SPECC1L: variants seen among roughly 807,000 people sequenced by gnomAD.
SPECC1L encodes the protein sperm antigen with calponin homology and coiled-coil domains 1 like.
SPECC1L carries 40 observed loss-of-function variants against 116.8 expected under a neutral mutation model. The ratio of observed to expected loss-of-function variants is 0.34; its 90% CI spans 0.27 to 0.45. The LOEUF (loss-of-function observed/expected upper bound fraction) is 0.45, where lower values mean the gene tolerates loss of function less well. Ranked by LOEUF, SPECC1L falls within the 20% of genes least tolerant of loss-of-function variation. SPECC1L has a pLI of 1.00. For missense variants in SPECC1L, 1,110 were observed against 1,373.6 expected, an observed-to-expected ratio of 0.81 and a Z score of 3.03; for synonymous variants, 504 against 500.6, an observed-to-expected ratio of 1.01 and a Z score of -0.09.
chr22:24,337,336 A>G (rs2041081430), intron 9 of SPECC1L, among the ~76,000 whole-genome samples: 1 of 152,242 alleles, frequency 6.6e-6, no homozygotes, highest in African/African-American at 2.4e-5. Flanking sequence ...GCCAGATACA[A>G]CAGGTCACAT....
chr22:24,344,797 G>C (rs2041256625), intron 10 of SPECC1L, among the ~76,000 whole-genome samples: 1 of 152,116 alleles, frequency 6.6e-6, no homozygotes, highest in Non-Finnish European at 1.5e-5. Context: ...TGAATAATTG[G>C]AGATTGAAAT....
chr22:24,381,693 G>A (rs2042065076), intron 14 of SPECC1L, among the ~76,000 whole-genome samples: 1 of 152,004 alleles, frequency 6.6e-6, no homozygotes, highest in Admixed American at 6.6e-5. Context: ...GACCATCCTG[G>A]CTAATATGGT....
intron 14 of SPECC1L, among the ~76,000 whole-genome samples, chr22:24,391,667 G>A (rs74824428): frequency 0.01 from 1,539 of 152,254 alleles, 11 homozygotes; most frequent in Middle Eastern, 0.024. Context: ...GTGCCCTGGC[G>A]GAGGCATGGT....
intron 2 of SPECC1L, among the ~76,000 whole-genome samples, chr22:24,277,994 C>T (rs1243790095): frequency 6.6e-6 from 1 of 152,178 alleles, no homozygotes; most frequent in Non-Finnish European, 1.5e-5. Flanking sequence ...ATTTTAAATT[C>T]TGTGTATGAG....
At chr22:24,272,192 C>G (rs113040571) in intron 1 of SPECC1L, among the ~76,000 whole-genome samples, 5 of 152,230 alleles carry the variant, frequency 3.3e-5, no homozygotes, top group Admixed American at 1.3e-4. Context: ...ACCAGCCTGA[C>G]CAACATGGTG....
intron 14 of SPECC1L, among the ~76,000 whole-genome samples, chr22:24,372,473 C>T (rs550245144): frequency 1.2e-4 from 19 of 152,236 alleles, no homozygotes; most frequent in Non-Finnish European, 2.1e-4. Flanking sequence ...GTTCAACATA[C>T]GCAAATCAAT....
At chr22:24,385,797 T>G (rs1335857251) in intron 14 of SPECC1L, among the ~76,000 whole-genome samples, 1 of 152,176 alleles carries the variant, frequency 6.6e-6, no homozygotes, top group Non-Finnish European at 1.5e-5. Context: ...ATAGGCATAT[T>G]TGGAGATTTT....
At chr22:24,295,911 G>A (rs1012274916) in intron 2 of SPECC1L, among the ~76,000 whole-genome samples, 3 of 152,118 alleles carry the variant, frequency 2.0e-5, no homozygotes, top group East Asian at 3.9e-4. Context: ...TCGTGCCGTC[G>A]CACTCCAGAC....
At chr22:24,323,883 A>G (rs2040768335) in intron 5 of SPECC1L, among the ~76,000 whole-genome samples, 1 of 152,226 alleles carries the variant, frequency 6.6e-6, no homozygotes, top group South Asian at 2.1e-4. Context: ...CATTTTTGTT[A>G]GGACAACATG....
rs938620117 is a variant in SPECC1L, at chr22:24,359,043, C to T, written c.2744-4218C>T. 2.0e-5 allele frequency among the ~76,000 whole-genome samples: 3 copies of T among 152,114 alleles called. No individual in the cohort carries two copies. In the South Asian group the frequency reaches 6.2e-4, roughly 31 times the overall value. On this transcript the variant is annotated intron_variant, in intron 11 of 16. Coordinates refer to ENST00000314328, the MANE Select transcript of SPECC1L (RefSeq NM_015330.6). The stretch of plus-strand genomic sequence containing the variant: ...TCCTTCTCCTGTATCTTCAACTTTA[C>T]CCTCTTTACCGGCGAGCTCCTTTCT...
At chr22:24,407,656 C>T (rs1281026971) in intron 14 of SPECC1L, among the ~76,000 whole-genome samples, 1 of 152,202 alleles carries the variant, frequency 6.6e-6, no homozygotes, top group Admixed American at 6.5e-5. Flanking sequence ...AGCTTCCTGG[C>T]CCCCTCTCCC....
intron 11 of SPECC1L, among the ~76,000 whole-genome samples, chr22:24,358,433 C>T (rs181209386): frequency 6.6e-6 from 1 of 152,120 alleles, no homozygotes; most frequent in Non-Finnish European, 1.5e-5. Flanking sequence ...TATTATATTC[C>T]TCTGCAGAAT....
At chr22:24,355,086 C>T (rs1601598922) in intron 11 of SPECC1L, among the ~76,000 whole-genome samples, 1 of 151,492 alleles carries the variant, frequency 6.6e-6, no homozygotes, top group Non-Finnish European at 1.5e-5. Flanking sequence ...CCAGACCATC[C>T]TGGCAAACAT....
intron 11 of SPECC1L, among the ~76,000 whole-genome samples, chr22:24,350,251 G>C (rs1170173064): frequency 1.3e-5 from 2 of 151,836 alleles, no homozygotes; most frequent in African/African-American, 4.8e-5. Context: ...CCTTATCACT[G>C]GTCCCATTCT....
intron 9 of SPECC1L, among the ~76,000 whole-genome samples, chr22:24,337,472 G>A (rs1242360380): frequency 6.6e-6 from 1 of 152,174 alleles, no homozygotes; most frequent in Non-Finnish European, 1.5e-5. Flanking sequence ...TTTTCTTTTG[G>A]AATTATGAAA....
At chr22:24,364,612 G>A (rs1002908920) in intron 12 of SPECC1L, among the ~76,000 whole-genome samples, 1 of 147,992 alleles carries the variant, frequency 6.8e-6, no homozygotes, top group Admixed American at 6.8e-5. Flanking sequence ...GCAGTAAGCC[G>A]AGATGCGCCA....
At chr22:24,358,043 G>A (rs2041565217) in intron 11 of SPECC1L, among the ~76,000 whole-genome samples, 1 of 148,774 alleles carries the variant, frequency 6.7e-6, no homozygotes, top group Admixed American at 6.7e-5. Context: ...TTTTTTCTTT[G>A]TACATCTAGT....
chr22:24,388,963 A>AG (rs1453333815), intron 14 of SPECC1L, among the ~76,000 whole-genome samples: 1 of 152,174 alleles, frequency 6.6e-6, no homozygotes, highest in Admixed American at 6.5e-5. Context: ...TCACAGCCCT[A>AG]GGCAGCCACC....
chr22:24,332,850 T>A (rs918893361), intron 8 of SPECC1L, among the ~76,000 whole-genome samples: 6 of 152,116 alleles, frequency 3.9e-5, no homozygotes, highest in Non-Finnish European at 7.4e-5. Flanking sequence ...AACAAAAGCT[T>A]TTTGGGGTCC....
Sources: gnomAD v4.1 joint callset for allele counts (sites outside exome capture counted in the v4.1 genomes callset) on GRCh38, gnomAD v4.1.1 for gene constraint, MANE v1.5 for transcripts, NCBI Gene and HGNC (gene_info 2026-07-23, HGNC 2026-07-21) for gene names.